The following TMEM132A variants were observed in gnomAD, a reference collection of about 807,000 sequenced individuals.
The protein encoded by TMEM132A is transmembrane protein 132A.
In TMEM132A, 48 loss-of-function variants were observed where a neutral mutation model predicts 69.9. That is an observed-to-expected ratio of 0.69 (90% confidence interval 0.55 to 0.87). The LOEUF (loss-of-function observed/expected upper bound fraction) is 0.87. Ranked by LOEUF, TMEM132A falls within the 40% of genes least tolerant of loss-of-function variation. TMEM132A has a pLI of 0.00. For synonymous variants in TMEM132A, 577 were observed against 613.7 expected (o/e 0.94, Z 0.88); for missense variants, 1,287 against 1,407.2 (o/e 0.91, Z 1.37).
intron 4 of TMEM132A, 141 bp downstream of exon 4, chr11:60,929,101 G>A: frequency 1.2e-6 from 1 of 862,700 alleles, no homozygotes; most frequent in Non-Finnish European, 1.8e-6. Flanking sequence ...CTCCTTCCAG[G>A]TAAAAAGCCA....
At position 60,933,756 on chromosome 11, in the gene TMEM132A, C is replaced by G. The variant is rs1235757024; in HGVS notation, c.1559+12C>G. The G allele has an allele frequency of 6.4e-7, 1 of 1,554,620 alleles. No individual in the cohort carries two copies. The highest frequency in any genetic ancestry group is 8.7e-7 in the Non-Finnish European group (1 of 1,149,438). On this transcript the variant is annotated intron_variant, in intron 8 of 10. Transcript: ENST00000453848. ...GGCCCTGCTGAAGGGTGAGTGGAGG[C>G]CTGAGGAAGCTGGCAGGCCTTGGCG...
chr11:60,924,772 G>A, intron 1 of TMEM132A, 39 bp downstream of exon 1: 1 of 1,412,442 alleles, frequency 7.1e-7, no homozygotes, highest in East Asian at 2.7e-5. Flanking sequence ...GGGCGGCCGG[G>A]CCCGGCCGAG....
rs567659241 is a variant in TMEM132A at position 60,931,766 on chromosome 11, G to A, written c.1094G>A (p.Arg365His). 2.8e-5 allele frequency: 46 copies of A among 1,614,168 alleles called. No individual in the cohort carries two copies. Among genetic ancestry groups the A allele is most frequent in the South Asian group, 1.6e-4 (15 of 91,086 alleles). Residue 365 changes from arginine (R) to histidine (H), a missense_variant, in exon 6 of 11, where the codon CGC becomes CAC. Transcript: ENST00000453848. ...ACTGGTGGGGGCGTAGCGGTCACTC[G>A]CCCCGTCACGTGGCAGCTGGAGTAC... Reference protein sequence around the residue: ...NSTGGGVAVTRPVTWQLEYPG... With the variant: ...NSTGGGVAVTHPVTWQLEYPG...
intron 1 of TMEM132A, 31 bp downstream of exon 1, chr11:60,924,764 G>GCGGCCGGGCC: frequency 6.9e-7 from 1 of 1,457,864 alleles, no homozygotes; most frequent in South Asian, 1.3e-5. Flanking sequence ...GGGGCGAGGG[G>GCGGCCGGGCC]CGGCCGGGCC....
chr11:60,924,813 C>T (rs1482183534), intron 1 of TMEM132A, 80 bp downstream of exon 1: 15 of 1,063,112 alleles, frequency 1.4e-5, no homozygotes, highest in Non-Finnish European at 2.0e-5. Context: ...GAGCCACCAA[C>T]CTTTGGGTTC....
chr11:60,928,639 G>T lies in TMEM132A; in HGVS notation c.545G>T (p.Gly182Val). The change falls in exon 4 of 11, where the codon GGC becomes GTC. Residue 182 changes from glycine (G) to valine (V), a missense_variant. Gly to Val is a moderately radical substitution (Grantham distance 109, BLOSUM62 -3). Transcript: ENST00000453848. ...HQACRFQPSLGACVVELELPS... is the reference protein window; with the variant it reads ...HQACRFQPSLVACVVELELPS... ...GTCGTGTCTTCACAGCCATCCCTGG[G>T]CGCCTGCGTGGTGGAGCTGGAGCTT... 6.2e-7 allele frequency: 1 copy of T among 1,608,510 alleles called. No homozygotes were observed.
chr11:60,934,766 T>C lies in TMEM132A; in HGVS notation c.1836+2T>C. 6.3e-7 allele frequency: 1 copy of C among 1,594,632 alleles called. No homozygotes were observed. Among genetic ancestry groups the C allele is most frequent in the Non-Finnish European group, 8.6e-7 (1 of 1,168,932 alleles). On this transcript the variant is annotated splice_donor_variant, in intron 9 of 10. Transcript: ENST00000453848. LOFTEE classifies it high-confidence loss of function. ...GAGCCCGGTGTCACCTCCATTGAGG[T>C]AAGCAGCTGGGGACCAGGAGAGTAG... is the stretch of plus-strand genomic sequence containing the variant.
At chr11:60,934,312 T>G in intron 8 of TMEM132A, 176 bp from the exon 9 acceptor site, 1 of 531,824 alleles carries the variant, frequency 1.9e-6, no homozygotes, top group South Asian at 4.4e-5. Flanking sequence ...CTGGGGCGGC[T>G]CGCCTGCAGG....
rs770652755 is a variant in TMEM132A at position 60,927,745 on chromosome 11, G to T, written c.420G>T (p.Arg140=). 1 of 1,613,490 alleles carries T rather than the reference G, an allele frequency of 6.2e-7. No homozygotes were observed. Among genetic ancestry groups the T allele is most frequent in the Non-Finnish European group, 8.5e-7 (1 of 1,180,038 alleles). The change falls in exon 3 of 11, where the codon CGG becomes CGT. Residue 140 remains arginine (R), a synonymous_variant. Coordinates refer to ENST00000453848, the MANE Select transcript of TMEM132A (RefSeq NM_178031.3). ...TGACTCCAGCAGAGCCCTACGCCCG[G>T]GTTCTCTTCCACCTCAAAGGGCAGG... ...AAVTPAEPYA[R]VLFHLKGQDW... is the part of the protein sequence containing the mutation.
In TMEM132A at chr11:60,933,768, G is replaced by T. The variant is rs1174350791; in HGVS notation, c.1559+24G>T. On this transcript the variant is annotated intron_variant, in intron 8 of 10. Coordinates refer to ENST00000453848, the MANE Select transcript of TMEM132A (RefSeq NM_178031.3). Reference sequence around the variant, plus strand: ...GGGTGAGTGGAGGCCTGAGGAAGCTGGCAGGCCTTGGCGAGTCACACTGGG... The same window carrying T: ...GGGTGAGTGGAGGCCTGAGGAAGCTTGCAGGCCTTGGCGAGTCACACTGGG... The T allele has an allele frequency of 1.9e-6, 3 of 1,540,698 alleles. No homozygotes were observed. The East Asian group carries it at 7.3e-5, about 38-fold the overall frequency.
rs1354373563 is a variant in TMEM132A at position 60,924,606 on chromosome 11, C to T, written c.-28C>T. 2 of 1,566,170 alleles carry T rather than the reference C, an allele frequency of 1.3e-6. No homozygotes were observed. The highest frequency in any genetic ancestry group is 3.5e-5 in the Admixed American group (2 of 56,592). ...CGGGACTGGGGCCACCTGAGCCGCC[C>T]GCCTCGTCCCCGCCTTCTGTGGGAA... is the stretch of plus-strand genomic sequence containing the variant. On this transcript the variant is annotated 5_prime_UTR_variant, in exon 1 of 11. Transcript: ENST00000453848.
chr11:60,928,517 C>A, intron 3 of TMEM132A, 112 bp from the exon 4 acceptor site: 1 of 1,021,562 alleles, frequency 9.8e-7, no homozygotes, highest in Non-Finnish European at 1.4e-6. Flanking sequence ...CCATGCTGGG[C>A]CTCCCTTTCA....
rs371465076 is a variant in TMEM132A, at chr11:60,928,704, G to A, written c.610G>A (p.Glu204Lys). 17 of 1,610,842 alleles carry A rather than the reference G, an allele frequency of 1.1e-5. No homozygotes were observed. The highest frequency in any genetic ancestry group is 6.7e-5 in the African/African-American group (5 of 75,042). ...WFSQASTTRA[E>K]LAYTLEPAAE... ...CTCACAGGCCTCCACCACACGGGCCGAGCTGGCCTACACGCTTGAGCCTGC... is the reference window on the plus strand; with the variant it reads ...CTCACAGGCCTCCACCACACGGGCCAAGCTGGCCTACACGCTTGAGCCTGC... Residue 204 changes from glutamate (E) to lysine (K), a missense_variant, in exon 4 of 11, where the codon GAG (glutamate) becomes AAG (lysine). Physicochemically the swap from Glu to Lys is moderately conservative, Grantham distance 56. Transcript: ENST00000453848.
At chr11:60,933,789 C>A in intron 8 of TMEM132A, 45 bp downstream of exon 8, 1 of 1,517,490 alleles carries the variant, frequency 6.6e-7, no homozygotes, top group Non-Finnish European at 8.9e-7. Flanking sequence ...GCGAGTCACA[C>A]TGGGACGGAG....
In TMEM132A at chr11:60,935,309, G is replaced by A. The variant is rs767469363; in HGVS notation, c.1894G>A (p.Asp632Asn). The change falls in exon 10 of 11, where the codon GAC becomes AAC. Residue 632 changes from aspartate (D) to asparagine (N), a missense_variant. Transcript: ENST00000453848. This position sits in a 1 kb window ranked among gnomAD's most constrained non-coding sequence, Gnocchi z 5.0. ...GGAGCAGGCGCTGGCTGTGACGGAC[G>A]ACAAGGTCTCAGTGCTGGAGCTGAG... ...LGEQALAVTD[D>N]KVSVLELRVQ... 14 of 1,612,998 alleles carry A rather than the reference G, an allele frequency of 8.7e-6. No individual in the cohort carries two copies. The highest frequency in any genetic ancestry group is 6.7e-5 in the Admixed American group (4 of 59,902).
At position 60,935,866 on chromosome 11, in the gene TMEM132A, G is replaced by C; in HGVS notation, c.2031G>C (p.Glu677Asp). The C allele has an allele frequency of 6.2e-7, 1 of 1,611,718 alleles. No homozygotes were observed. The highest frequency in any genetic ancestry group is 2.2e-5 in the East Asian group (1 of 44,872). Residue 677 changes from glutamate to aspartate, a missense_variant and splice_region_variant, in exon 11 of 11, where the codon GAG becomes GAC. Transcript: ENST00000453848. This position sits in a 1 kb window ranked among gnomAD's most constrained non-coding sequence, Gnocchi z 5.0. ...GCCTGTGTCTGTGTGCCCCACAGGA[G>C]GTGGCCCTCTCCCTATGGCTGTCCT... Reference protein sequence around the residue: ...AQSALPAPKQEVALSLWLSFS... With the variant: ...AQSALPAPKQDVALSLWLSFS...
intron 7 of TMEM132A, chr11:60,932,383 G>A (rs1763276411): frequency 2.6e-6 from 1 of 381,122 alleles, no homozygotes. Context: ...TGGCCTGAGA[G>A]AGTCGAGAGC....
chr11:60,929,034 C>T, intron 4 of TMEM132A, 74 bp downstream of exon 4: 1 of 1,472,324 alleles, frequency 6.8e-7, no homozygotes, highest in East Asian at 2.3e-5. Flanking sequence ...ACCTGCTCCT[C>T]CTGGGGTCCT....
At position 60,928,907 on chromosome 11, in the gene TMEM132A, T is replaced by C; in HGVS notation, c.813T>C (p.Phe271=). The C allele has an allele frequency of 6.2e-7, 1 of 1,612,778 alleles. No homozygotes were observed. Among genetic ancestry groups the C allele is most frequent in the Non-Finnish European group, 8.5e-7 (1 of 1,180,008 alleles). ...PDMPVRPGQL[F]SATLLLRHNF... The stretch of plus-strand genomic sequence containing the variant: ...TGCCAGTGCGGCCCGGCCAGCTCTT[T>C]AGTGCTACCCTCCTGCTTCGGCACA... The change falls in exon 4 of 11, where the codon TTT becomes TTC. Residue 271 remains phenylalanine (F), a synonymous_variant. Coordinates refer to ENST00000453848, the MANE Select transcript of TMEM132A (RefSeq NM_178031.3).
Sources: allele counts gnomAD v4.1 joint callset, GRCh38; gene constraint gnomAD v4.1.1; non-coding constraint Gnocchi (gnomAD v3.1); transcripts MANE v1.5; gene names NCBI Gene and HGNC (gene_info 2026-07-23, HGNC 2026-07-21).